KPNA5: variants seen among roughly 807,000 people sequenced by gnomAD.
KPNA5 encodes importin subunit alpha-6.
KPNA5 carries 46 observed loss-of-function variants against 71.3 expected under a neutral mutation model. The ratio of observed to expected loss-of-function variants is 0.65; its 90% CI spans 0.51 to 0.83. The LOEUF (loss-of-function observed/expected upper bound fraction) is 0.83, where lower values mean the gene tolerates loss of function less well. KPNA5 is among the 40% of genes least tolerant of loss of function. KPNA5 has a pLI of 0.00. For synonymous variants in KPNA5, 207 were observed against 201.4 expected, an observed-to-expected ratio of 1.03 and a Z score of -0.24; for missense variants, 547 against 628.3, an observed-to-expected ratio of 0.87 and a Z score of 1.38.
At position 116,710,841 on chromosome 6, in the gene KPNA5, C is replaced by G. The variant is rs367771426; in HGVS notation, c.657-5378C>G. ...TGTTGAAGTGCTGATAGTAATGTCT[C>G]TACTTTCATTCTTAATTGTAGTAAT... On this transcript the variant is annotated intron_variant, in intron 7 of 13. Coordinates refer to ENST00000368564, the MANE Select transcript of KPNA5 (RefSeq NM_001366306.2). Among the ~76,000 whole-genome samples the G allele has an allele frequency of 5.8e-4, 81 of 139,236 alleles. 2 individuals are homozygous for G. In the East Asian group the frequency reaches 0.015, roughly 26 times the overall value. The allele number at this position is 139,236 out of a possible 152,430, so 91.3% of individuals were successfully genotyped here.
chr6:116,731,987 A>C (rs1352990222), intron 13 of KPNA5, 149 bp from the exon 14 acceptor site: 1 of 185,022 alleles, frequency 5.4e-6, no homozygotes, highest in Admixed American at 6.2e-5. Flanking sequence ...AGTTAGATTA[A>C]AATAGTCCCG....
chr6:116,714,155 A>G (rs1022710786), intron 7 of KPNA5, among the ~76,000 whole-genome samples: 2 of 152,148 alleles, frequency 1.3e-5, no homozygotes, highest in Admixed American at 1.3e-4. Context: ...TATTGTAACT[A>G]TGGTTAACTA....
intron 12 of KPNA5, among the ~76,000 whole-genome samples, chr6:116,729,265 G>A (rs1779398997): frequency 6.8e-6 from 1 of 147,254 alleles, no homozygotes; most frequent in South Asian, 2.2e-4. Flanking sequence ...TTAATGCTCA[G>A]ATGAGCACCA....
chr6:116,684,971 G>C (rs1777513412), intron 1 of KPNA5, among the ~76,000 whole-genome samples: 1 of 152,178 alleles, frequency 6.6e-6, no homozygotes, highest in Admixed American at 6.5e-5. Context: ...AAAGAAGTTT[G>C]GCAGTTTCTT....
chr6:116,738,271 G>A lies in KPNA5; in HGVS notation c.*5948G>A, dbSNP rs570001744. ...TCTAGAAGAAATGGATAAATTCCTC[G>A]ACACATAAACCCTCCCAAGACTAAA... On this transcript the variant is annotated 3_prime_UTR_variant, in exon 14 of 14. Transcript: ENST00000368564. 7 of 152,178 alleles carry A rather than the reference G, an allele frequency of 4.6e-5. No individual in the cohort carries two copies. The highest frequency in any genetic ancestry group is 8.8e-5 in the Non-Finnish European group (6 of 68,010). The allele number at this position is 152,178 out of a possible 1,614,324, so 9.4% of individuals were successfully genotyped here. A position where few individuals can be genotyped will look rare whatever the true frequency, so the allele number is the denominator to read the frequency against.
rs1254080780 is a variant in KPNA5 at position 116,710,870 on chromosome 6, ATTT to A, written c.657-5347_657-5345del. ...TTTCATTCTTAATTGTAGTAATATT[ATTT>A]TATATATATATATATATATATTTTT... is the stretch of plus-strand genomic sequence containing the variant. On this transcript the variant is annotated intron_variant, in intron 7 of 13. Transcript: ENST00000368564. 3.0e-3 allele frequency among the ~76,000 whole-genome samples: 298 copies of A among 99,814 alleles called. 4 individuals carry two copies. Among genetic ancestry groups the A allele is most frequent in the African/African-American group, 0.011 (287 of 25,718 alleles). The allele number at this position is 99,814 out of a possible 152,430, so 65.5% of individuals were successfully genotyped here.
chr6:116,721,914 CAA>C, intron 8 of KPNA5, among the ~76,000 whole-genome samples: 1 of 152,058 alleles, frequency 6.6e-6, no homozygotes, highest in Non-Finnish European at 1.5e-5. Context: ...TTTTTTAAAA[CAA>C]ATTTAACTAC....
At chr6:116,686,658 G>C (rs576072949) in intron 1 of KPNA5, among the ~76,000 whole-genome samples, 1 of 152,304 alleles carries the variant, frequency 6.6e-6, no homozygotes, top group South Asian at 2.1e-4. Context: ...TTGTCTTCCA[G>C]AGTTTTTATA....
chr6:116,724,644 G>A (rs1237318364), intron 10 of KPNA5, among the ~76,000 whole-genome samples: 1 of 152,160 alleles, frequency 6.6e-6, no homozygotes, highest in South Asian at 2.1e-4. Flanking sequence ...AGGCTGGGGT[G>A]CAGTGGTGTG....
intron 13 of KPNA5, 46 bp from the exon 14 acceptor site, chr6:116,732,090 A>G (rs200576740): frequency 1.6e-5 from 1 of 62,360 alleles, no homozygotes; most frequent in Non-Finnish European, 3.0e-5. Context: ...ATATATATAT[A>G]TATATATATA....
At chr6:116,701,947 C>T in intron 5 of KPNA5, 72 bp from the exon 6 acceptor site, 1 of 1,443,604 alleles carries the variant, frequency 6.9e-7, no homozygotes, top group Admixed American at 2.1e-5. Flanking sequence ...TCTTTACTCC[C>T]TCTCTTTCCT....
At chr6:116,693,166 T>C (rs1777875207) in intron 4 of KPNA5, among the ~76,000 whole-genome samples, 1 of 152,224 alleles carries the variant, frequency 6.6e-6, no homozygotes, top group South Asian at 2.1e-4. Flanking sequence ...TCCAAGTCTT[T>C]GCTATTGTGA....
rs1179837513 is a variant in KPNA5 at position 116,738,752 on chromosome 6, C to T, written c.*6429C>T. The T allele has an allele frequency of 6.6e-6, 1 of 152,186 alleles. No homozygotes were observed. The highest frequency in any genetic ancestry group is 1.5e-5 in the Non-Finnish European group (1 of 68,046). 9.4% of individuals were successfully genotyped at this position (152,186 alleles called of 1,614,324 possible). A position where few individuals can be genotyped will look rare whatever the true frequency, so the allele number is the denominator to read the frequency against. On this transcript the variant is annotated 3_prime_UTR_variant, in exon 14 of 14. Coordinates refer to ENST00000368564, the MANE Select transcript of KPNA5 (RefSeq NM_001366306.2). ...TAAACAGAACCAAAGACAAAAAACA[C>T]ATGATTATCTCAACAAATGCAGAAA...
Position 116,692,343 on chromosome 6 carries a change from T to G in KPNA5, c.291T>G (p.Ala97=), listed in dbSNP as rs1313006653. Residue 97 remains alanine, a synonymous_variant, in exon 4 of 14, where the codon GCT becomes GCG. Transcript: ENST00000368564. ...TTCAGATGATTTTTTCTAATAATGC[T>G]GATCAACAGCTAACAGCAACACAGA... ...DMVQMIFSNN[A]DQQLTATQKF... is the part of the protein sequence containing the mutation. 1.0e-5 allele frequency: 16 copies of G among 1,606,144 alleles called. No individual in the cohort carries two copies. Among genetic ancestry groups the G allele is most frequent in the Admixed American group, 1.7e-5 (1 of 58,344 alleles).
In KPNA5 at chr6:116,728,546, G is replaced by A. The variant is rs946364332; in HGVS notation, c.1254-1017G>A. 2.6e-5 allele frequency among the ~76,000 whole-genome samples: 4 copies of A among 152,034 alleles called. No individual in the cohort carries two copies. In the East Asian group the frequency reaches 5.8e-4, roughly 22 times the overall value. On this transcript the variant is annotated intron_variant, in intron 12 of 13. Coordinates refer to ENST00000368564, the MANE Select transcript of KPNA5 (RefSeq NM_001366306.2). ...GGTACTTTCATGTATTTTATCTCCT[G>A]TAATCTCTTAACTATGAGGCAGTTA... is the stretch of plus-strand genomic sequence containing the variant.
intron 12 of KPNA5, among the ~76,000 whole-genome samples, chr6:116,727,468 G>A (rs1165344536): frequency 6.6e-6 from 1 of 152,014 alleles, no homozygotes; most frequent in Non-Finnish European, 1.5e-5. Flanking sequence ...CAATTACATT[G>A]TTTTAGGTAT....
At position 116,699,593 on chromosome 6, in the gene KPNA5, G is replaced by A. The variant is rs560308813; in HGVS notation, c.435+795G>A. 6.6e-5 allele frequency among the ~76,000 whole-genome samples: 10 copies of A among 152,276 alleles called. No individual in the cohort carries two copies. In the South Asian group the frequency reaches 1.9e-3, roughly 28 times the overall value. On this transcript the variant is annotated intron_variant, in intron 5 of 13. Transcript: ENST00000368564. Reference sequence around the variant, plus strand: ...CCTCACGTTTTAGGTGTAAGTAAAGGAATGTATTGCATGTGTGAATGTGAA... The same window carrying A: ...CCTCACGTTTTAGGTGTAAGTAAAGAAATGTATTGCATGTGTGAATGTGAA...
rs538925212 is a variant in KPNA5 at position 116,741,486 on chromosome 6, C to A, written c.*9163C>A. ...GTTGAAACTTATTTGAAAATATTTT[C>A]CCTTTGGTCTTTGTGGTAGAAATGA... On this transcript the variant is annotated 3_prime_UTR_variant, in exon 14 of 14. Transcript: ENST00000368564. The A allele has an allele frequency of 1.9e-4, 29 of 151,942 alleles. No homozygotes were observed. The highest frequency in any genetic ancestry group is 1.8e-3 in the Admixed American group (28 of 15,226). 9.4% of individuals were successfully genotyped at this position (151,942 alleles called of 1,614,324 possible).
rs1266576693 is a variant in KPNA5 at position 116,737,355 on chromosome 6, A to G, written c.*5032A>G. On this transcript the variant is annotated 3_prime_UTR_variant, in exon 14 of 14. Transcript: ENST00000368564. ...GGTGATTCTTTAGAAGGCCTTGGGTAGTAGTCACATGTGGTCAATAGTACT... is the reference window on the plus strand; with the variant it reads ...GGTGATTCTTTAGAAGGCCTTGGGTGGTAGTCACATGTGGTCAATAGTACT... The G allele has an allele frequency of 2.0e-5, 3 of 152,006 alleles. No homozygotes were observed. The highest frequency in any genetic ancestry group is 7.2e-5 in the African/African-American group (3 of 41,424). The allele number at this position is 152,006 out of a possible 1,614,324, so 9.4% of individuals were successfully genotyped here. A position where few individuals can be genotyped will look rare whatever the true frequency, so the allele number is the denominator to read the frequency against.
Sources: allele counts gnomAD v4.1 joint callset (sites outside exome capture counted in the v4.1 genomes callset), GRCh38; gene constraint gnomAD v4.1.1; transcripts MANE v1.5; gene names NCBI Gene and HGNC (gene_info 2026-07-23, HGNC 2026-07-21).